Variants in HAAO observed in about 807,000 individuals in gnomAD.
HAAO encodes the protein 3-hydroxyanthranilate oxygenase.
Under a neutral mutation model 46.2 loss-of-function variants are expected in HAAO, and 49 were observed. The ratio of observed to expected loss-of-function variants is 1.06; its 90% CI spans 0.84 to 1.34. HAAO has a LOEUF of 1.34. Among genes scored for constraint, HAAO ranks in the 40% most tolerant of loss-of-function variants. HAAO has a pLI of 0.00. For synonymous variants in HAAO, 157 were observed against 145.2 expected, an observed-to-expected ratio of 1.08 and a Z score of -0.58; for missense variants, 408 against 364.5, an observed-to-expected ratio of 1.12 and a Z score of -0.97.
chr2:42,768,835 C>T (rs1670866128), intron 7 of HAAO, among the ~76,000 whole-genome samples: 1 of 152,206 alleles, frequency 6.6e-6, no homozygotes, highest in African/African-American at 2.4e-5. Context: ...TGGGCCCTGC[C>T]TGCTGCTCCA....
At chr2:42,774,923 T>A (rs1446522529) in intron 4 of HAAO, among the ~76,000 whole-genome samples, 1 of 149,278 alleles carries the variant, frequency 6.7e-6, no homozygotes, top group Non-Finnish European at 1.5e-5. Flanking sequence ...CTAGAGTGGC[T>A]AAATTTCCCG....
chr2:42,772,969 G>T (rs1053786465), intron 4 of HAAO, among the ~76,000 whole-genome samples: 1 of 148,478 alleles, frequency 6.7e-6, no homozygotes, highest in Non-Finnish European at 1.5e-5. Flanking sequence ...ACCAAACACT[G>T]TTGAGCTTTT....
rs1388817588 is a variant in HAAO, at chr2:42,767,492, C to T, written c.806G>A (p.Gly269Asp). ...GTSYAWERTQ[G>D]SVALSVTQDP... ...CTGGGTCACAGACAGGGCCACAGAG[C>T]CTTGTGTTCGCTCCCAGGCATACCT... Residue 269 changes from glycine (G) to aspartate (D), a missense_variant, in exon 10 of 10, where the codon GGC becomes GAC. Coordinates refer to ENST00000294973, the MANE Select transcript of HAAO (RefSeq NM_012205.3). 2 of 1,612,870 alleles carry T rather than the reference C, an allele frequency of 1.2e-6. No homozygotes were observed. The highest frequency in any genetic ancestry group is 1.7e-6 in the Non-Finnish European group (2 of 1,179,572).
intron 1 of HAAO, among the ~76,000 whole-genome samples, chr2:42,789,473 A>G (rs1280716328): frequency 6.6e-6 from 1 of 152,158 alleles, no homozygotes; most frequent in Non-Finnish European, 1.5e-5. Context: ...GGGAGGCTGA[A>G]GCACGAGAAT....
chr2:42,780,166 G>A (rs1431042442), intron 4 of HAAO, among the ~76,000 whole-genome samples: 3 of 151,646 alleles, frequency 2.0e-5, no homozygotes, highest in Admixed American at 2.0e-4. Flanking sequence ...TCTTTAGGAG[G>A]TGGCTTTATA....
intron 4 of HAAO, among the ~76,000 whole-genome samples, chr2:42,776,672 A>T (rs1671601492): frequency 7.2e-6 from 1 of 138,840 alleles, no homozygotes; most frequent in East Asian, 2.1e-4. Context: ...TCACTCTGTC[A>T]CTCAGGCTGG....
At position 42,769,762 on chromosome 2, in the gene HAAO, A is replaced by G. The variant is rs749735705; in HGVS notation, c.581T>C (p.Leu194Pro). The G allele has an allele frequency of 1.9e-6, 3 of 1,613,898 alleles. No individual in the cohort carries two copies. ...DAWLDSHHRE[L>P]QAGTPLSLFG... ...CAGGCTGAGTGGTGTGCCTGCCTGC[A>G]GCTCCCTGTGGTGGCTGTCCAGCCA... The change falls in exon 7 of 10, where the codon CTG (leucine) becomes CCG (proline). Residue 194 changes from leucine to proline, a missense_variant. By Grantham distance (98) the Leu-to-Pro change is moderately conservative (BLOSUM62 -3). Transcript: ENST00000294973.
chr2:42,770,954 T>TA (rs1300365834), intron 4 of HAAO, among the ~76,000 whole-genome samples: 4 of 152,180 alleles, frequency 2.6e-5, no homozygotes, highest in African/African-American at 9.7e-5. Context: ...CTTAAAAACT[T>TA]AGAGAGCATC....
chr2:42,782,286 G>T (rs1002181439), intron 4 of HAAO, among the ~76,000 whole-genome samples: 3 of 152,082 alleles, frequency 2.0e-5, no homozygotes, highest in African/African-American at 7.2e-5. Context: ...TTTCATACTT[G>T]CCTACTGATG....
At chr2:42,792,290 G>A (rs1211187694) in intron 1 of HAAO, among the ~76,000 whole-genome samples, 167 bp downstream of exon 1, 1 of 152,156 alleles carries the variant, frequency 6.6e-6, no homozygotes, top group Non-Finnish European at 1.5e-5. Flanking sequence ...AGACCGATGT[G>A]GTGGAACCGG....
At chr2:42,783,598 C>G (rs1482190602) in intron 3 of HAAO, among the ~76,000 whole-genome samples, 178 bp from the exon 4 acceptor site, 3 of 152,094 alleles carry the variant, frequency 2.0e-5, no homozygotes, top group Admixed American at 1.3e-4. Flanking sequence ...GAATGTTGGA[C>G]CGTGCTGAGG....
intron 4 of HAAO, among the ~76,000 whole-genome samples, chr2:42,773,640 G>A (rs1298096301): frequency 2.7e-5 from 4 of 145,830 alleles, no homozygotes; most frequent in Admixed American, 7.0e-5. Context: ...AGGCTGGAGC[G>A]CACTGGCGCG....
chr2:42,774,336 C>T (rs1337211418), intron 4 of HAAO, among the ~76,000 whole-genome samples: 2 of 152,228 alleles, frequency 1.3e-5, no homozygotes, highest in African/African-American at 4.8e-5. Context: ...TTAGACAAAT[C>T]TCCTAAGGGT....
chr2:42,771,440 T>C (rs919647147), intron 4 of HAAO, among the ~76,000 whole-genome samples: 1 of 99,040 alleles, frequency 1.0e-5, no homozygotes, highest in Non-Finnish European at 2.0e-5. Flanking sequence ...AGTAAATAAA[T>C]AAGTAAAAAA....
chr2:42,767,428 GCAAGAGGGTCA>G lies in HAAO; in HGVS notation c.859_*8del. ...ACACCTGTGGCTGCTTCAGGCCATG[GCAAGAGGGTCA>G]CCCCAGGGGCTTCTTGCAGGCAGGG... On this transcript the variant is annotated stop_lost and 3_prime_UTR_variant, in exon 10 of 10. Coordinates refer to ENST00000294973, the MANE Select transcript of HAAO (RefSeq NM_012205.3). 6.2e-7 allele frequency: 1 copy of G among 1,606,470 alleles called. No individual in the cohort carries two copies. Among genetic ancestry groups the G allele is most frequent in the Non-Finnish European group, 8.5e-7 (1 of 1,174,642 alleles).
intron 4 of HAAO, among the ~76,000 whole-genome samples, chr2:42,776,597 A>C (rs1186319217): frequency 1.3e-5 from 2 of 150,700 alleles, no homozygotes; most frequent in African/African-American, 4.9e-5. Context: ...CTTATGATGG[A>C]AATTTTGTTA....
intron 4 of HAAO, among the ~76,000 whole-genome samples, chr2:42,780,822 C>T (rs1224962384): frequency 6.7e-6 from 1 of 149,300 alleles, no homozygotes; most frequent in Non-Finnish European, 1.5e-5. Context: ...AATCCCAGCA[C>T]TTTGGGAGGC....
chr2:42,782,755 C>G (rs1672099346), intron 4 of HAAO: 6 of 309,916 alleles, frequency 1.9e-5, no homozygotes, highest in South Asian at 1.3e-4. Context: ...AACCATTTGT[C>G]TCTTATCTAC....
rs116482080 is a variant in HAAO at position 42,786,701 on chromosome 2, C to T, written c.159+1828G>A. Among the ~76,000 whole-genome samples, 584 of 152,290 alleles carry T rather than the reference C, an allele frequency of 3.8e-3. 6 individuals are homozygous for T. Among genetic ancestry groups the T allele is most frequent in the African/African-American group, 0.014 (566 of 41,554 alleles). On this transcript the variant is annotated intron_variant, in intron 2 of 9. Coordinates refer to ENST00000294973, the MANE Select transcript of HAAO (RefSeq NM_012205.3). ...TGCCTCTGGCCCCCCTGCACCTGCA[C>T]GCTCCAAGAAAGGAGTGAGGTAGGT... is the stretch of plus-strand genomic sequence containing the variant.
Sources: allele counts gnomAD v4.1 joint callset (sites outside exome capture counted in the v4.1 genomes callset), GRCh38; gene constraint gnomAD v4.1.1; transcripts MANE v1.5; gene names NCBI Gene and HGNC (gene_info 2026-07-23, HGNC 2026-07-21).